Variants in HECTD2 observed in about 807,000 individuals in gnomAD.
HECTD2 encodes the protein probable E3 ubiquitin-protein ligase HECTD2.
A neutral mutation model predicts 103.2 loss-of-function variants in HECTD2; 35 were observed. The observed-to-expected ratio is 0.34, with a 90% CI of 0.26 to 0.45. HECTD2 has a LOEUF of 0.45. Ranked by LOEUF, HECTD2 falls within the 20% of genes least tolerant of loss-of-function variation. The probability of loss-of-function intolerance (pLI) is 1.00; values close to 1 mark genes in which losing one functional copy is unlikely to be tolerated. For missense variants in HECTD2, 596 were observed against 937.4 expected (o/e 0.64, Z 4.76); for synonymous variants, 281 against 329.9 (o/e 0.85, Z 1.61).
chr10:91,512,743 TACACTGCTA>T lies in HECTD2; in HGVS notation c.*360_*368del, dbSNP rs1847471560. On this transcript the variant is annotated 3_prime_UTR_variant, in exon 21 of 21. Coordinates refer to ENST00000298068, the MANE Select transcript of HECTD2 (RefSeq NM_182765.6). Reference sequence around the variant, plus strand: ...TATAGTTGAACCCAGTGGCAGATTGTACACTGCTAGCACTGCTAGCACACAGTAGCAAAG... The same window carrying T: ...TATAGTTGAACCCAGTGGCAGATTGTGCACTGCTAGCACACAGTAGCAAAG... 1 of 204,944 alleles carries T rather than the reference TACACTGCTA, an allele frequency of 4.9e-6. No individual in the cohort carries two copies. Among genetic ancestry groups the T allele is most frequent in the African/African-American group, 2.3e-5 (1 of 43,686 alleles). The allele number at this position is 204,944 out of a possible 1,614,324, so 12.7% of individuals were successfully genotyped here.
intron 2 of HECTD2, among the ~76,000 whole-genome samples, chr10:91,427,998 T>C (rs1487926602): frequency 6.6e-6 from 1 of 151,930 alleles, no homozygotes; most frequent in Non-Finnish European, 1.5e-5. Flanking sequence ...TCTAGGGTTT[T>C]TATGGTTTTA....
chr10:91,456,793 A>G (rs1331992105), intron 2 of HECTD2, among the ~76,000 whole-genome samples: 1 of 152,116 alleles, frequency 6.6e-6, no homozygotes, highest in African/African-American at 2.4e-5. Context: ...CCTTTAGCTC[A>G]CGGACGTAGG....
At chr10:91,506,498 C>G (rs1467744479) in intron 20 of HECTD2, among the ~76,000 whole-genome samples, 25 of 151,900 alleles carry the variant, frequency 1.6e-4, no homozygotes, top group Non-Finnish European at 2.7e-4. Flanking sequence ...ACAAACACCT[C>G]TACGCAAATA....
intron 2 of HECTD2, among the ~76,000 whole-genome samples, chr10:91,450,870 T>C (rs1844788405): frequency 6.6e-6 from 1 of 152,038 alleles, no homozygotes; most frequent in Non-Finnish European, 1.5e-5. Context: ...AGGAAATAGA[T>C]GCTGGAGAGG....
chr10:91,483,858 C>CA (rs974104513), intron 8 of HECTD2, among the ~76,000 whole-genome samples: 35 of 151,962 alleles, frequency 2.3e-4, no homozygotes, highest in African/African-American at 7.7e-4. Flanking sequence ...TCATTGAACT[C>CA]ACGGCTAGCA....
intron 20 of HECTD2, among the ~76,000 whole-genome samples, chr10:91,510,288 C>G (rs1203944199): frequency 6.6e-6 from 1 of 152,144 alleles, no homozygotes; most frequent in Non-Finnish European, 1.5e-5. Flanking sequence ...GATTGCAAAG[C>G]AAATTTCAAA....
In HECTD2 at chr10:91,462,090, T is replaced by C. The variant is rs1326186220; in HGVS notation, c.511-5T>C. ...ATATACTTAATTCTTAAATTGAATT[T>C]GCAGAAAGATGCCACTGCCTCATTT... On this transcript the variant is annotated splice_polypyrimidine_tract_variant and splice_region_variant and intron_variant, in intron 4 of 20. Transcript: ENST00000298068. The C allele has an allele frequency of 7.0e-6, 11 of 1,575,398 alleles. No homozygotes were observed.
chr10:91,419,248 G>A (rs760295613), intron 1 of HECTD2, among the ~76,000 whole-genome samples: 28 of 152,164 alleles, frequency 1.8e-4, no homozygotes, highest in Non-Finnish European at 3.4e-4. Context: ...GAAAACCATG[G>A]TTGTTATTCT....
chr10:91,467,922 GCA>G (rs2133227075), intron 5 of HECTD2, among the ~76,000 whole-genome samples: 1 of 149,988 alleles, frequency 6.7e-6, no homozygotes, highest in South Asian at 2.1e-4. Flanking sequence ...AAATGCATGT[GCA>G]CAGAGTCCAG....
chr10:91,433,306 G>A (rs1455090102), intron 2 of HECTD2, among the ~76,000 whole-genome samples: 1 of 151,842 alleles, frequency 6.6e-6, no homozygotes, highest in Non-Finnish European at 1.5e-5. Context: ...ATATGTTTCA[G>A]ACATCTCACT....
chr10:91,424,198 A>G (rs887985525), intron 1 of HECTD2, among the ~76,000 whole-genome samples: 6 of 152,122 alleles, frequency 3.9e-5, no homozygotes, highest in African/African-American at 9.7e-5. Context: ...TCTTAAATGC[A>G]TTGGTACTTT....
chr10:91,460,960 A>G (rs1217925235), intron 3 of HECTD2, among the ~76,000 whole-genome samples: 2 of 152,206 alleles, frequency 1.3e-5, no homozygotes, highest in Non-Finnish European at 2.9e-5. Context: ...AATGATAAAG[A>G]TAGAATGTAA....
intron 2 of HECTD2, among the ~76,000 whole-genome samples, chr10:91,428,086 T>C (rs1268174330): frequency 6.6e-6 from 1 of 151,564 alleles, no homozygotes; most frequent in Non-Finnish European, 1.5e-5. Context: ...GTTTCAGCTT[T>C]CTACATATGG....
At chr10:91,425,531 T>C (rs1843524192) in intron 2 of HECTD2, 121 bp downstream of exon 2, 2 of 627,466 alleles carry the variant, frequency 3.2e-6, no homozygotes, top group Non-Finnish European at 4.7e-6. Context: ...AGAAGCTGTA[T>C]ACGTATTTAC....
At chr10:91,496,791 A>G (rs1846682729) in intron 15 of HECTD2, among the ~76,000 whole-genome samples, 1 of 152,074 alleles carries the variant, frequency 6.6e-6, no homozygotes, top group Non-Finnish European at 1.5e-5. Context: ...TATGTAAAAT[A>G]TAGAAAATCA....
At position 91,485,133 on chromosome 10, in the gene HECTD2, C is replaced by T. The variant is rs958215643; in HGVS notation, c.971-47C>T. ...TGATGTTTTTATTATTAGAATGAATCTTGTACATGTTGGAAAAAGTCTTTA... is the reference window on the plus strand; with the variant it reads ...TGATGTTTTTATTATTAGAATGAATTTTGTACATGTTGGAAAAAGTCTTTA... On this transcript the variant is annotated intron_variant, in intron 9 of 20. Coordinates refer to ENST00000298068, the MANE Select transcript of HECTD2 (RefSeq NM_182765.6). 5 of 1,341,612 alleles carry T rather than the reference C, an allele frequency of 3.7e-6. No homozygotes were observed. The East Asian group carries it at 1.0e-4, about 27-fold the overall frequency. The allele number at this position is 1,341,612 out of a possible 1,614,324, so 83.1% of individuals were successfully genotyped here.
chr10:91,481,146 G>T lies in HECTD2; in HGVS notation c.711+7G>T. ...ATATTTTATACTTTTACAGGTAAGA[G>T]AACCAGAACCTAGTTGAAGTTGTCT... On this transcript the variant is annotated splice_region_variant and intron_variant, in intron 7 of 20. Coordinates refer to ENST00000298068, the MANE Select transcript of HECTD2 (RefSeq NM_182765.6). The T allele has an allele frequency of 6.7e-7, 1 of 1,494,362 alleles. No individual in the cohort carries two copies. The highest frequency in any genetic ancestry group is 1.2e-5 in the South Asian group (1 of 80,092). 92.6% of individuals were successfully genotyped at this position (1,494,362 alleles called of 1,614,324 possible). A position where few individuals can be genotyped will look rare whatever the true frequency, so the allele number is the denominator to read the frequency against.
At chr10:91,426,378 A>T (rs779851358) in intron 2 of HECTD2, among the ~76,000 whole-genome samples, 1 of 152,060 alleles carries the variant, frequency 6.6e-6, no homozygotes, top group African/African-American at 2.4e-5. Flanking sequence ...ATTTAAGGAC[A>T]TAGTTTCTGG....
At chr10:91,500,371 TC>T in intron 18 of HECTD2, 130 bp from the exon 19 acceptor site, 2 of 443,544 alleles carry the variant, frequency 4.5e-6, no homozygotes, top group Non-Finnish European at 8.3e-6. Context: ...AGTCGATTTT[TC>T]TTCAACAAAA....
Sources: gnomAD v4.1 joint callset for allele counts (sites outside exome capture counted in the v4.1 genomes callset) on GRCh38, gnomAD v4.1.1 for gene constraint, MANE v1.5 for transcripts, NCBI Gene and HGNC (gene_info 2026-07-23, HGNC 2026-07-21) for gene names.